The following BAZ2A variants were observed in gnomAD, a reference collection of about 807,000 sequenced individuals.
BAZ2A encodes the protein bromodomain adjacent to zinc finger domain protein 2A.
A neutral mutation model predicts 199.9 loss-of-function variants in BAZ2A; 34 were observed. The observed-to-expected ratio is 0.17, with a 90% CI of 0.13 to 0.23. The LOEUF (loss-of-function observed/expected upper bound fraction) is 0.23. Among genes scored for constraint, BAZ2A ranks in the 10% least tolerant of loss-of-function variants. The pLI is 1.00. For missense variants in BAZ2A, 2,002 were observed against 2,391.1 expected (o/e 0.84, Z 3.39); for synonymous variants, 857 against 883.9 (o/e 0.97, Z 0.54).
At position 56,596,068 on chromosome 12, in the gene BAZ2A, T is replaced by C. The variant is rs1311904634; in HGVS notation, c.*2550A>G. On this transcript the variant is annotated 3_prime_UTR_variant, in exon 29 of 29. Transcript: ENST00000549884. ...CTTTTTAACCTTATTAAAAATGAGA[T>C]TGGTCCTAAAAATATAGAAAGAAAT... The C allele has an allele frequency of 6.5e-6, 1 of 152,702 alleles. No individual in the cohort carries two copies. The highest frequency in any genetic ancestry group is 2.4e-5 in the African/African-American group (1 of 41,472). 9.5% of individuals were successfully genotyped at this position (152,702 alleles called of 1,614,324 possible).
chr12:56,605,572 C>T (rs1014763280), intron 13 of BAZ2A: 1 of 609,384 alleles, frequency 1.6e-6, no homozygotes, highest in African/African-American at 1.9e-5. Flanking sequence ...CAGGTACATG[C>T]CACCACACCC....
At chr12:56,630,841 C>A, upstream of BAZ2A, 1 of 985,504 alleles carries the variant, frequency 1.0e-6, no homozygotes, top group Non-Finnish European at 1.2e-6. Context: ...TCTGCAGGGC[C>A]CTGGTCACCG....
chr12:56,617,299 CT>C, intron 2 of BAZ2A, 95 bp downstream of exon 2: 1 of 1,274,964 alleles, frequency 7.8e-7, no homozygotes, highest in Non-Finnish European at 1.0e-6. Flanking sequence ...GTTGATTTCT[CT>C]CCAGCAGCAA....
At chr12:56,624,335 A>G (rs1951014614) in intron 1 of BAZ2A, among the ~76,000 whole-genome samples, 1 of 152,200 alleles carries the variant, frequency 6.6e-6, no homozygotes, top group Non-Finnish European at 1.5e-5. Flanking sequence ...GGGCTACTCA[A>G]AGAAAACTGT....
intron 1 of BAZ2A, among the ~76,000 whole-genome samples, chr12:56,619,508 CAAAAAAAAAAA>C (rs397850754): frequency 1.2e-5 from 1 of 84,778 alleles, no homozygotes; most frequent in African/African-American, 4.6e-5. Flanking sequence ...GACCCTGTCT[CAAAAAAAAAAA>C]AAAAAAAGAA....
chr12:56,615,416 G>C lies in BAZ2A; in HGVS notation c.328C>G (p.Leu110Val). ...TGTCCCCCCGAGAACTGGGAGAGAA[G>C]GGGTGGGTCCTTGAGGTTGCTGCCA... ...NPGSNLKDPP[L>V]LSQFSGGQYP... is the part of the protein sequence containing the mutation. The change falls in exon 3 of 29, where the codon CTT (leucine) becomes GTT (valine). Residue 110 changes from leucine to valine, a missense_variant. Physicochemically the swap from Leu to Val is conservative, Grantham distance 32. This residue lies in a region of BAZ2A where 641 missense variants were observed against 694.5 expected (regional missense o/e 0.92). Transcript: ENST00000549884. 1.2e-6 allele frequency: 2 copies of C among 1,613,402 alleles called. No homozygotes were observed. Among genetic ancestry groups the C allele is most frequent in the Admixed American group, 3.3e-5 (2 of 60,006 alleles).
intron 4 of BAZ2A, 122 bp from the exon 5 acceptor site, chr12:56,613,355 A>C: frequency 1.0e-6 from 1 of 991,098 alleles, no homozygotes; most frequent in Non-Finnish European, 1.5e-6. Context: ...ATTCTTCCTA[A>C]TATTAAGTTA....
chr12:56,601,910 T>C lies in BAZ2A; in HGVS notation c.3707A>G (p.Gln1236Arg). The change falls in exon 20 of 29, where the codon CAG (glutamine) becomes CGG (arginine). Residue 1236 changes from glutamine (Q) to arginine (R), a missense_variant. Coordinates refer to ENST00000549884, the MANE Select transcript of BAZ2A (RefSeq NM_001300905.2). Reference sequence around the variant, plus strand: ...CCCCTTATGGGACTGAAGCTGAAGCTGAAGCTGAGGCTGGGGCTGGGCAGG... The same window carrying C: ...CCCCTTATGGGACTGAAGCTGAAGCCGAAGCTGAGGCTGGGGCTGGGCAGG... ...HAPAQPQPQL[Q>R]LQLQSHKGFL... 1 of 1,605,076 alleles carries C rather than the reference T, an allele frequency of 6.2e-7. No homozygotes were observed. The highest frequency in any genetic ancestry group is 1.7e-5 in the Admixed American group (1 of 57,330).
At chr12:56,603,817 A>T in intron 16 of BAZ2A, 117 bp from the exon 17 acceptor site, 1 of 1,147,496 alleles carries the variant, frequency 8.7e-7, no homozygotes, top group Non-Finnish European at 1.2e-6. Context: ...GTTCGAGACC[A>T]GCCTGGCCAA....
Position 56,609,742 on chromosome 12 carries a change from C to A in BAZ2A, c.2086G>T (p.Ala696Ser). ...GTAAGAAATACCACTGTACCTTGGG[C>A]CTCCAGTTTCTTTAGGGGGCGGTTG... ...TDNRPLKKLE[A>S]QETLNEEDKA... is the part of the protein sequence containing the mutation. Residue 696 changes from alanine to serine, a missense_variant, in exon 10 of 29, where the codon GCC (alanine) becomes TCC (serine). This residue lies in a region of BAZ2A where 1,081 missense variants were observed against 1,274.7 expected (regional missense o/e 0.85). Transcript: ENST00000549884. 6.2e-7 allele frequency: 1 copy of A among 1,613,550 alleles called. No homozygotes were observed. The highest frequency in any genetic ancestry group is 1.3e-5 in the African/African-American group (1 of 75,034).
Position 56,603,354 on chromosome 12 carries a change from A to G in BAZ2A, c.3279+5T>C. The G allele has an allele frequency of 6.2e-7, 1 of 1,613,886 alleles. No individual in the cohort carries two copies. The highest frequency in any genetic ancestry group is 8.5e-7 in the Non-Finnish European group (1 of 1,179,790). ...CCAACTCTTGGGAGGTTAGAAGCAC[A>G]ATACCTTGCTGAGTTTTTCTATCTG... On this transcript the variant is annotated splice_donor_5th_base_variant and intron_variant, in intron 18 of 28. Transcript: ENST00000549884.
rs370773408 is a variant in BAZ2A, at chr12:56,611,805, A to T, written c.1577T>A (p.Ile526Asn). The change falls in exon 6 of 29, where the codon ATC (isoleucine) becomes AAC (asparagine). Residue 526 changes from isoleucine to asparagine, a missense_variant. By Grantham distance (149) the Ile-to-Asn change is moderately radical. Coordinates refer to ENST00000549884, the MANE Select transcript of BAZ2A (RefSeq NM_001300905.2). ...AGAAGCAGTGAGTCCTTCTCCAGTG[A>T]TCTCTTCCACGTCAGCAGTGGTTTC... ...FLETTADVEE[I>N]TGEGLTASGS... 5.8e-6 allele frequency: 9 copies of T among 1,553,898 alleles called. No individual in the cohort carries two copies. Among genetic ancestry groups the T allele is most frequent in the Non-Finnish European group, 6.9e-6 (8 of 1,151,134 alleles).
chr12:56,598,507 T>C lies in BAZ2A; in HGVS notation c.*111A>G. On this transcript the variant is annotated 3_prime_UTR_variant, in exon 29 of 29. Transcript: ENST00000549884. ...CCAAGGGCAAGGTCAAAAATCAGGG[T>C]TGTATCTGACTTGAGTCTGGACCCA... The C allele has an allele frequency of 7.3e-7, 1 of 1,372,454 alleles. No homozygotes were observed. The allele number at this position is 1,372,454 out of a possible 1,614,324, so 85.0% of individuals were successfully genotyped here.
chr12:56,612,107 T>A lies in BAZ2A; in HGVS notation c.1275A>T (p.Pro425=). The A allele has an allele frequency of 3.1e-6, 5 of 1,613,790 alleles. No individual in the cohort carries two copies. The highest frequency in any genetic ancestry group is 4.2e-6 in the Non-Finnish European group (5 of 1,179,842). The change falls in exon 6 of 29, where the codon CCA becomes CCT. Residue 425 remains proline (P), a synonymous_variant. Coordinates refer to ENST00000549884, the MANE Select transcript of BAZ2A (RefSeq NM_001300905.2). The part of the protein sequence containing the change: ...STIQLHPATS[P]AVSPTTSPAV... ...CTGGGGAGGTTGTTGGCGAGACTGCTGGTGAGGTTGCTGGATGTAGCTGAA... is the reference window on the plus strand; with the variant it reads ...CTGGGGAGGTTGTTGGCGAGACTGCAGGTGAGGTTGCTGGATGTAGCTGAA...
chr12:56,622,610 T>A (rs1950955841), intron 1 of BAZ2A, among the ~76,000 whole-genome samples: 1 of 152,072 alleles, frequency 6.6e-6, no homozygotes, highest in Non-Finnish European at 1.5e-5. Context: ...TGTCCTCCCA[T>A]CCAGAGCTAG....
chr12:56,601,238 G>T lies in BAZ2A; in HGVS notation c.4236C>A (p.Phe1412Leu). The T allele has an allele frequency of 1.2e-6, 2 of 1,614,042 alleles. No homozygotes were observed. Among genetic ancestry groups the T allele is most frequent in the Non-Finnish European group, 1.7e-6 (2 of 1,179,906 alleles). ...GGTAACGCTGTTCCATCTGTTTGAA[G>T]AACTTACTGGGAGGTCTCCCTCTCC... ...PKRRGRPPSKFFKQMEQRYLT... is the reference protein window; with the variant it reads ...PKRRGRPPSKLFKQMEQRYLT... The change falls in exon 21 of 29, where the codon TTC becomes TTA. Residue 1412 changes from phenylalanine to leucine, a missense_variant. Around this residue, in one of 6 missense-constraint regions of BAZ2A, gnomAD observed 1,081 missense variants for 1,274.7 expected, o/e 0.85. Transcript: ENST00000549884.
chr12:56,604,788 G>A lies in BAZ2A; in HGVS notation c.2760C>T (p.Ile920=). Residue 920 remains isoleucine, a synonymous_variant, in exon 15 of 29, where the codon ATC becomes ATT. Coordinates refer to ENST00000549884, the MANE Select transcript of BAZ2A (RefSeq NM_001300905.2). The part of the protein sequence containing the change: ...GFPSYCQSLK[I]LGEKVSEIPL... ...GGATCTCAGACACCTTCTCCCCCAA[G>A]ATCTTTAGGGACTGTGTGGAGGACA... The A allele has an allele frequency of 6.2e-7, 1 of 1,613,460 alleles. No individual in the cohort carries two copies. Among genetic ancestry groups the A allele is most frequent in the Middle Eastern group, 1.6e-4 (1 of 6,062 alleles).
Position 56,599,138 on chromosome 12 carries a change from G to A in BAZ2A, c.5393C>T (p.Thr1798Ile), listed in dbSNP as rs1450143122. The change falls in exon 27 of 29, where the codon ACA becomes ATA. Residue 1798 changes from threonine (T) to isoleucine (I), a missense_variant. Coordinates refer to ENST00000549884, the MANE Select transcript of BAZ2A (RefSeq NM_001300905.2). ...GATTCACTCAACTCACTCGCAAAAT[G>A]TGAGATCACTGTGGTGGTTCCGCAT... is the stretch of plus-strand genomic sequence containing the variant. ...LSMRNHHSDLTFCEIILMEME... is the reference protein window; with the variant it reads ...LSMRNHHSDLIFCEIILMEME... 1.2e-6 allele frequency: 2 copies of A among 1,610,826 alleles called. No homozygotes were observed. Among genetic ancestry groups the A allele is most frequent in the Admixed American group, 3.3e-5 (2 of 59,704 alleles).
chr12:56,623,249 A>C (rs1030983955), intron 1 of BAZ2A, among the ~76,000 whole-genome samples: 1 of 151,846 alleles, frequency 6.6e-6, no homozygotes, highest in African/African-American at 2.4e-5. Flanking sequence ...AAAAAAAAAG[A>C]AAAAGGCTGA....
Sources: allele counts gnomAD v4.1 joint callset (sites outside exome capture counted in the v4.1 genomes callset), GRCh38; gene constraint gnomAD v4.1.1; regional missense constraint gnomAD v4.1.1; transcripts MANE v1.5; gene names NCBI Gene and HGNC (gene_info 2026-07-23, HGNC 2026-07-21).